Variants in PKNOX1 observed in about 807,000 individuals in gnomAD.
PKNOX1 encodes the protein homeobox protein PKNOX1.
PKNOX1 carries 15 observed loss-of-function variants against 51.9 expected under a neutral mutation model. That is an observed-to-expected ratio of 0.29 (90% CI 0.19 to 0.45). PKNOX1 has a LOEUF of 0.45. Among genes scored for constraint, PKNOX1 ranks in the 20% least tolerant of loss-of-function variants. The pLI, the probability that PKNOX1 is intolerant of heterozygous loss-of-function variation, is 1.00. For missense variants in PKNOX1, 462 were observed against 547.5 expected, an observed-to-expected ratio of 0.84 and a Z score of 1.56; for synonymous variants, 219 against 211.1, an observed-to-expected ratio of 1.04 and a Z score of -0.32.
At chr21:42,984,974 C>CTTTTTTTTTTTTTCTTTTTTTTTTTT (rs2059044363) in intron 1 of PKNOX1, among the ~76,000 whole-genome samples, 1 of 57,998 alleles carries the variant, frequency 1.7e-5, no homozygotes, top group African/African-American at 7.1e-5. Context: ...ATTTTCTTTT[C>CTTTTTTTTTTTTTCTTTTTTTTTTTT]TTTTTTTTTT....
At chr21:43,008,863 C>T (rs373928601) in intron 3 of PKNOX1, among the ~76,000 whole-genome samples, 1 of 152,050 alleles carries the variant, frequency 6.6e-6, no homozygotes, top group African/African-American at 2.4e-5. Context: ...GTATACCTAA[C>T]ACAAATGAAA....
chr21:42,986,753 AAC>A (rs1005802375), intron 1 of PKNOX1, among the ~76,000 whole-genome samples: 29 of 152,174 alleles, frequency 1.9e-4, no homozygotes, highest in Non-Finnish European at 8.8e-5. Context: ...CTGGTAACAA[AAC>A]ACAATACCTA....
At chr21:42,981,117 C>T (rs1488758436) in intron 1 of PKNOX1, among the ~76,000 whole-genome samples, 1 of 152,208 alleles carries the variant, frequency 6.6e-6, no homozygotes, top group East Asian at 1.9e-4. Flanking sequence ...CATCCGTGTG[C>T]AGCACTGAGT....
At chr21:42,986,516 G>A (rs563125163) in intron 1 of PKNOX1, among the ~76,000 whole-genome samples, 7 of 151,674 alleles carry the variant, frequency 4.6e-5, no homozygotes, top group Non-Finnish European at 1.0e-4. Context: ...CAAAAAAAAA[G>A]TGATTTCTTG....
At chr21:43,017,863 T>C in intron 6 of PKNOX1, 1 of 303,742 alleles carries the variant, frequency 3.3e-6, no homozygotes, top group Non-Finnish European at 6.2e-6. Flanking sequence ...TGTTGATCTT[T>C]TGAAATGATT....
intron 4 of PKNOX1, among the ~76,000 whole-genome samples, chr21:43,011,700 A>C (rs1979262886): frequency 6.6e-6 from 1 of 152,228 alleles, no homozygotes; most frequent in Non-Finnish European, 1.5e-5. Context: ...TAGGGCCTTC[A>C]ACAGAAAAGG....
intron 4 of PKNOX1, among the ~76,000 whole-genome samples, chr21:43,011,512 A>C (rs907347384): frequency 3.3e-5 from 5 of 152,080 alleles, no homozygotes; most frequent in African/African-American, 1.2e-4. Flanking sequence ...AATGAGCTGC[A>C]CCTGAGGCAC....
chr21:43,020,179 T>C (rs1419317607), intron 7 of PKNOX1, among the ~76,000 whole-genome samples: 1 of 152,208 alleles, frequency 6.6e-6, no homozygotes, highest in Non-Finnish European at 1.5e-5. Flanking sequence ...ATAGTCCTCC[T>C]GCCTTGGCCT....
chr21:43,031,956 T>C lies in PKNOX1; in HGVS notation c.*1855T>C, dbSNP rs189999648. ...AGCTCACTGCAACCTCCACCTCTTA[T>C]GTTCAAGCAATTCTCCTTCCTTAGC... On this transcript the variant is annotated 3_prime_UTR_variant, in exon 11 of 11. Transcript: ENST00000291547. 56 of 312,006 alleles carry C rather than the reference T, an allele frequency of 1.8e-4. No individual in the cohort carries two copies. Among genetic ancestry groups the C allele is most frequent in the East Asian group, 4.0e-4 (5 of 12,438 alleles). The allele number at this position is 312,006 out of a possible 1,614,324, so 19.3% of individuals were successfully genotyped here.
Position 43,032,660 on chromosome 21 carries a change from A to G in PKNOX1, c.*2559A>G, listed in dbSNP as rs1980328161. On this transcript the variant is annotated 3_prime_UTR_variant, in exon 11 of 11. Coordinates refer to ENST00000291547, the MANE Select transcript of PKNOX1 (RefSeq NM_004571.5). ...AGAGCACTGCCTGAACCTCGGTGGCACTGGGAAGCTCTGGCCTGAGAGTTA... is the reference window on the plus strand; with the variant it reads ...AGAGCACTGCCTGAACCTCGGTGGCGCTGGGAAGCTCTGGCCTGAGAGTTA... 6.4e-6 allele frequency: 1 copy of G among 156,326 alleles called. No individual in the cohort carries two copies. The highest frequency in any genetic ancestry group is 6.2e-5 in the Admixed American group (1 of 16,112). 9.7% of individuals were successfully genotyped at this position (156,326 alleles called of 1,614,324 possible).
intron 1 of PKNOX1, among the ~76,000 whole-genome samples, chr21:42,975,402 T>A (rs2058989984): frequency 1.3e-5 from 2 of 152,156 alleles, no homozygotes; most frequent in Non-Finnish European, 2.9e-5. Flanking sequence ...GGGAAGCGGT[T>A]CCGGCGTCCC....
intron 1 of PKNOX1, among the ~76,000 whole-genome samples, chr21:42,982,684 T>C (rs2059032660): frequency 7.1e-6 from 1 of 140,570 alleles, no homozygotes; most frequent in Non-Finnish European, 1.5e-5. Context: ...TGAGCTGAGA[T>C]CGCGCCATTG....
At chr21:43,017,191 A>T (rs899538811) in intron 6 of PKNOX1, 184 bp downstream of exon 6, 2 of 399,642 alleles carry the variant, frequency 5.0e-6, no homozygotes, top group Non-Finnish European at 8.9e-6. Context: ...TTTTATGCAG[A>T]TTGTGTTTCT....
intron 4 of PKNOX1, among the ~76,000 whole-genome samples, chr21:43,011,838 C>T (rs1847890377): frequency 6.6e-6 from 1 of 152,208 alleles, no homozygotes; most frequent in Non-Finnish European, 1.5e-5. Context: ...GAATCTGTCT[C>T]CTCCTCTCTG....
intron 7 of PKNOX1, among the ~76,000 whole-genome samples, chr21:43,019,526 A>G (rs1979662827): frequency 6.6e-6 from 1 of 151,654 alleles, no homozygotes; most frequent in South Asian, 2.1e-4. Flanking sequence ...AATCCTTTCT[A>G]CCCAACATTG....
intron 9 of PKNOX1, among the ~76,000 whole-genome samples, chr21:43,028,150 G>T (rs1439381972): frequency 1.3e-5 from 2 of 152,220 alleles, no homozygotes; most frequent in Non-Finnish European, 2.9e-5. Flanking sequence ...AATGGTTTTT[G>T]AAAAGATGCA....
At chr21:43,002,405 C>T (rs555686498) in intron 1 of PKNOX1, among the ~76,000 whole-genome samples, 3 of 44,070 alleles carry the variant, frequency 6.8e-5, no homozygotes, top group Non-Finnish European at 2.1e-4. Flanking sequence ...ATTGACTGTG[C>T]CCCCTCCCTT....
intron 1 of PKNOX1, among the ~76,000 whole-genome samples, chr21:42,976,614 C>T (rs2058998881): frequency 6.6e-6 from 1 of 152,234 alleles, no homozygotes; most frequent in Non-Finnish European, 1.5e-5. Context: ...CCACAATGTG[C>T]ACAGCGTCTT....
Position 43,030,208 on chromosome 21 carries a change from T to C in PKNOX1, c.*107T>C, listed in dbSNP as rs1980195154. On this transcript the variant is annotated 3_prime_UTR_variant, in exon 11 of 11. Transcript: ENST00000291547. ...GTAGATATAGAAGAGTGCACTTTTG[T>C]ATTTCATAGTAAGCTTAAAGCGCGT... is the stretch of plus-strand genomic sequence containing the variant. 1 of 875,992 alleles carries C rather than the reference T, an allele frequency of 1.1e-6. No individual in the cohort carries two copies. The highest frequency in any genetic ancestry group is 1.7e-6 in the Non-Finnish European group (1 of 584,352). 54.3% of individuals were successfully genotyped at this position (875,992 alleles called of 1,614,324 possible). A position where few individuals can be genotyped will look rare whatever the true frequency, so the allele number is the denominator to read the frequency against.
Sources: allele counts gnomAD v4.1 joint callset (sites outside exome capture counted in the v4.1 genomes callset), GRCh38; gene constraint gnomAD v4.1.1; transcripts MANE v1.5; gene names NCBI Gene and HGNC (gene_info 2026-07-23, HGNC 2026-07-21).